Variants in TAF15 observed in about 807,000 individuals in gnomAD.
The protein encoded by TAF15 is TATA-binding protein-associated factor 2N.
Under a neutral mutation model 102.5 loss-of-function variants are expected in TAF15, and 37 were observed. The observed-to-expected ratio is 0.36, with a 90% CI of 0.28 to 0.47. TAF15 has a LOEUF of 0.47. Among genes scored for constraint, TAF15 ranks in the 20% least tolerant of loss-of-function variants. TAF15 has a pLI of 0.99. For missense variants in TAF15, 652 were observed against 760.7 expected, an observed-to-expected ratio of 0.86 and a Z score of 1.68; for synonymous variants, 273 against 259.2, an observed-to-expected ratio of 1.05 and a Z score of -0.51.
At chr17:35,817,642 T>C in intron 1 of TAF15, 74 bp from the exon 2 acceptor site, 1 of 1,318,140 alleles carries the variant, frequency 7.6e-7, no homozygotes, top group Non-Finnish European at 1.1e-6. Context: ...ACATTTCTTC[T>C]GTATGAGCTA....
At chr17:35,823,050 C>T (rs533383606) in intron 6 of TAF15, among the ~76,000 whole-genome samples, 6 of 152,236 alleles carry the variant, frequency 3.9e-5, no homozygotes, top group African/African-American at 1.4e-4. Flanking sequence ...TGGCTGATTA[C>T]GTGAATTTCC....
intron 9 of TAF15, among the ~76,000 whole-genome samples, chr17:35,835,719 A>G (rs2087466317): frequency 6.6e-6 from 1 of 152,250 alleles, no homozygotes; most frequent in Non-Finnish European, 1.5e-5. Flanking sequence ...TTGGAAGTTC[A>G]AAGTATCAGA....
In TAF15 at chr17:35,846,928, C is replaced by T. The variant is rs948769080; in HGVS notation, c.1762C>T (p.Arg588Cys). The stretch of plus-strand genomic sequence containing the variant: ...TAGAAACGACTACAGAAATGATCAG[C>T]GCAACCGACCATACTGATGACTGTT... ...GGRNDYRNDQ[R>C]NRPY is the part of the protein sequence containing the mutation. Residue 588 changes from arginine to cysteine, a missense_variant, in exon 16 of 16, where the codon CGC becomes TGC. Around this residue, in one of 3 missense-constraint regions of TAF15, gnomAD observed 368 missense variants for 367.5 expected, o/e 1.00. Coordinates refer to ENST00000605844, the MANE Select transcript of TAF15 (RefSeq NM_139215.3). 9 of 1,614,064 alleles carry T rather than the reference C, an allele frequency of 5.6e-6. No individual in the cohort carries two copies. The highest frequency in any genetic ancestry group is 1.3e-5 in the African/African-American group (1 of 74,922).
chr17:35,814,268 C>T (rs1223825501), intron 1 of TAF15, among the ~76,000 whole-genome samples: 1 of 151,842 alleles, frequency 6.6e-6, no homozygotes, highest in East Asian at 1.9e-4. Flanking sequence ...TGGGTTCACG[C>T]CATTCTCCTG....
rs2087240259 is a variant in TAF15, at chr17:35,820,011, T to G, written c.48-13T>G. The stretch of plus-strand genomic sequence containing the variant: ...TACACATTTCTTTCAAGTATTAAAT[T>G]TTTCTTTTGCAGTTATTCTACCTAT... On this transcript the variant is annotated splice_polypyrimidine_tract_variant and intron_variant, in intron 2 of 15. Transcript: ENST00000605844. 3 of 1,613,140 alleles carry G rather than the reference T, an allele frequency of 1.9e-6. No individual in the cohort carries two copies. Among genetic ancestry groups the G allele is most frequent in the Non-Finnish European group, 8.5e-7 (1 of 1,179,400 alleles).
rs542549270 is a variant in TAF15, at chr17:35,820,421, A to G, written c.274A>G (p.Met92Val). The G allele has an allele frequency of 1.9e-6, 3 of 1,613,966 alleles. No homozygotes were observed. The highest frequency in any genetic ancestry group is 2.2e-5 in the South Asian group (2 of 91,084). The stretch of plus-strand genomic sequence containing the variant: ...TAATAACCAGGGACAGCAGCAAAAC[A>G]TGGAATCATCAGGAAGGTAAGGAAA... ...PYNNQGQQQN[M>V]ESSGSQGGRA... Residue 92 changes from methionine to valine, a missense_variant, in exon 5 of 16, where the codon ATG becomes GTG. Met to Val is a conservative substitution (Grantham distance 21). Around this residue, in one of 3 missense-constraint regions of TAF15, gnomAD observed 243 missense variants for 284.1 expected, o/e 0.86. Coordinates refer to ENST00000605844, the MANE Select transcript of TAF15 (RefSeq NM_139215.3).
intron 1 of TAF15, among the ~76,000 whole-genome samples, chr17:35,814,149 T>G (rs956022975): frequency 1.3e-5 from 2 of 151,988 alleles, no homozygotes; most frequent in African/African-American, 4.8e-5. Flanking sequence ...TCAAGCAATT[T>G]GCAAACACCA....
At chr17:35,842,328 A>G (rs369495443) in intron 11 of TAF15, 39 bp from the exon 12 acceptor site, 1 of 1,485,720 alleles carries the variant, frequency 6.7e-7, no homozygotes, top group South Asian at 1.1e-5. Context: ...GTGGAGGTAT[A>G]GAGTAGCATT....
At chr17:35,815,581 C>A (rs1412313205) in intron 1 of TAF15, among the ~76,000 whole-genome samples, 1 of 152,120 alleles carries the variant, frequency 6.6e-6, no homozygotes, top group African/African-American at 2.4e-5. Flanking sequence ...TAAAATTTTG[C>A]CTGAACCTAA....
intron 7 of TAF15, chr17:35,829,917 A>T (rs2087381801): frequency 6.6e-6 from 1 of 152,386 alleles, no homozygotes; most frequent in South Asian, 2.1e-4. Flanking sequence ...AGGCAGGTGG[A>T]TCACCTGAGG....
At chr17:35,827,616 G>A (rs1315707548) in intron 7 of TAF15, among the ~76,000 whole-genome samples, 1 of 151,840 alleles carries the variant, frequency 6.6e-6, no homozygotes, top group Admixed American at 6.6e-5. Flanking sequence ...TGAGACAGGA[G>A]AATCAGTTGA....
At chr17:35,809,602 G>A in intron 1 of TAF15, 26 bp downstream of exon 1, 1 of 1,613,222 alleles carries the variant, frequency 6.2e-7, no homozygotes, top group Non-Finnish European at 8.5e-7. Context: ...AGCGAGCAGC[G>A]GCAGCGACGA....
In TAF15 at chr17:35,842,441, A is replaced by G. The variant is rs2087559180; in HGVS notation, c.988A>G (p.Ser330Gly). ...RRPEFMRGGG[S>G]GGGRRGRGGY... The stretch of plus-strand genomic sequence containing the variant: ...ACCTGAATTCATGAGAGGAGGTGGA[A>G]GTGGAGGTGGGCGGCGAGGTAAGAT... The change falls in exon 12 of 16, where the codon AGT (serine) becomes GGT (glycine). Residue 330 changes from serine (S) to glycine (G), a missense_variant. Ser to Gly is a moderately conservative substitution (Grantham distance 56, BLOSUM62 0). Coordinates refer to ENST00000605844, the MANE Select transcript of TAF15 (RefSeq NM_139215.3). 1 of 1,613,998 alleles carries G rather than the reference A, an allele frequency of 6.2e-7. No individual in the cohort carries two copies. The highest frequency in any genetic ancestry group is 8.5e-7 in the Non-Finnish European group (1 of 1,179,890).
intron 1 of TAF15, 103 bp downstream of exon 1, chr17:35,809,679 C>T: frequency 6.5e-7 from 1 of 1,527,364 alleles, no homozygotes; most frequent in Middle Eastern, 2.3e-4. Flanking sequence ...GCCTCCGGCC[C>T]TGAGGGAGGC....
chr17:35,822,509 C>T, intron 5 of TAF15, 131 bp from the exon 6 acceptor site: 1 of 796,250 alleles, frequency 1.3e-6, no homozygotes, highest in Non-Finnish European at 2.0e-6. Flanking sequence ...TAACTAATTA[C>T]CATGAGAAGG....
At chr17:35,834,620 C>T in intron 9 of TAF15, 22 bp downstream of exon 9, 1 of 1,609,370 alleles carries the variant, frequency 6.2e-7, no homozygotes, top group Non-Finnish European at 8.5e-7. Context: ...GGTGGTTTGT[C>T]ACTTTGCCAT....
In TAF15 at chr17:35,841,478, C is replaced by CT. The variant is rs113419533; in HGVS notation, c.914-877dup. ...AACAGGTAGACATGTGCACCTGACT[C>CT]TTTTTTTTTTTTGACTTGCTGGGCT... On this transcript the variant is annotated intron_variant, in intron 11 of 15. Coordinates refer to ENST00000605844, the MANE Select transcript of TAF15 (RefSeq NM_139215.3). 6.5e-3 allele frequency among the ~76,000 whole-genome samples: 951 copies of CT among 145,496 alleles called. 4 individuals carry two copies. Among genetic ancestry groups the CT allele is most frequent in the East Asian group, 0.014 (72 of 5,032 alleles).
chr17:35,809,507 G>T lies in TAF15; in HGVS notation c.-63G>T. 1 of 1,610,178 alleles carries T rather than the reference G, an allele frequency of 6.2e-7. No individual in the cohort carries two copies. Among genetic ancestry groups the T allele is most frequent in the Non-Finnish European group, 8.5e-7 (1 of 1,179,250 alleles). On this transcript the variant is annotated 5_prime_UTR_variant, in exon 1 of 16. Coordinates refer to ENST00000605844, the MANE Select transcript of TAF15 (RefSeq NM_139215.3). ...TCAGTACAGCTCCGGCCGCCGCGCC[G>T]CCTGGCTTTCGTATTCGTTGTTCTC...
Position 35,824,190 on chromosome 17 carries a change from A to T in TAF15, c.597A>T (p.Thr199=). ...GYDKDGRGPM[T]GSSGGDRGGF... Reference sequence around the variant, plus strand: ...ACAAGGATGGAAGAGGTCCTATGACAGGATCAAGGTAAGTATGTAGATAAA... The same window carrying T: ...ACAAGGATGGAAGAGGTCCTATGACTGGATCAAGGTAAGTATGTAGATAAA... Residue 199 remains threonine (T), a synonymous_variant, in exon 7 of 16, where the codon ACA becomes ACT. Coordinates refer to ENST00000605844, the MANE Select transcript of TAF15 (RefSeq NM_139215.3). The T allele has an allele frequency of 6.2e-7, 1 of 1,612,936 alleles. No individual in the cohort carries two copies. Among genetic ancestry groups the T allele is most frequent in the Non-Finnish European group, 8.5e-7 (1 of 1,179,900 alleles).
Sources: gnomAD v4.1 joint callset for allele counts (sites outside exome capture counted in the v4.1 genomes callset) on GRCh38, gnomAD v4.1.1 for gene constraint, gnomAD v4.1.1 regional missense constraint, MANE v1.5 for transcripts, NCBI Gene and HGNC (gene_info 2026-07-23, HGNC 2026-07-21) for gene names.